Variants in TMEM232 observed in about 807,000 individuals in gnomAD.
TMEM232 encodes the protein transmembrane protein 232.
TMEM232 carries 80 observed loss-of-function variants against 78.8 expected under a neutral mutation model. That is an observed-to-expected ratio of 1.01 (90% confidence interval 0.85 to 1.22). The LOEUF (loss-of-function observed/expected upper bound fraction) is 1.22, where lower values mean the gene tolerates loss of function less well. Ranked by LOEUF, TMEM232 falls within the 50% of genes most tolerant of loss-of-function variation. The pLI is 0.00. For synonymous variants in TMEM232, 297 were observed against 254.3 expected (o/e 1.17, Z -1.60); for missense variants, 881 against 742.2 (o/e 1.19, Z -2.17).
At chr5:110,503,305 T>C (rs1444074197) in intron 12 of TMEM232, among the ~76,000 whole-genome samples, 1 of 152,174 alleles carries the variant, frequency 6.6e-6, no homozygotes, top group Non-Finnish European at 1.5e-5. Context: ...ATGTGTAATA[T>C]AGGTGATATA....
intron 11 of TMEM232, among the ~76,000 whole-genome samples, chr5:110,531,416 C>T (rs535022894): frequency 6.6e-6 from 1 of 152,322 alleles, no homozygotes; most frequent in African/African-American, 2.4e-5. Context: ...TGAGAAAGAT[C>T]CACCTATCAG....
At chr5:110,485,508 C>T (rs1409562010) in intron 12 of TMEM232, among the ~76,000 whole-genome samples, 1 of 152,126 alleles carries the variant, frequency 6.6e-6, no homozygotes, top group African/African-American at 2.4e-5. Flanking sequence ...CATTCTTATG[C>T]TTTTGCATCC....
At chr5:110,710,948 C>T (rs191654997) in intron 1 of TMEM232, among the ~76,000 whole-genome samples, 256 of 152,158 alleles carry the variant, frequency 1.7e-3, no homozygotes, top group African/African-American at 5.9e-3. Context: ...CAAAGGGCAT[C>T]CAAATTGGAA....
At chr5:110,557,944 G>A (rs976827894) in intron 11 of TMEM232, among the ~76,000 whole-genome samples, 1 of 152,144 alleles carries the variant, frequency 6.6e-6, no homozygotes, top group Non-Finnish European at 1.5e-5. Flanking sequence ...AATCTTTGAA[G>A]TTGCTGTGCT....
Position 110,605,293 on chromosome 5 carries a change from A to C in TMEM232, c.1092T>G (p.Ile364Met). 6.4e-7 allele frequency: 1 copy of C among 1,551,406 alleles called. No individual in the cohort carries two copies. Among genetic ancestry groups the C allele is most frequent in the Non-Finnish European group, 8.7e-7 (1 of 1,146,740 alleles). Residue 364 changes from isoleucine to methionine, a missense_variant, in exon 10 of 14, where the codon ATT (isoleucine) becomes ATG (methionine). Physicochemically the swap from Ile to Met is conservative, Grantham distance 10 (BLOSUM62 1). Coordinates refer to ENST00000455884, the MANE Select transcript of TMEM232 (RefSeq NM_001039763.4). ...AWNVVYIYTV[I>M]LAEICLYAAT... ...CTGCATACAAGCAGATTTCTGCAAG[A>C]ATTACTGTATATATGTAGACTACAT... is the stretch of plus-strand genomic sequence containing the variant.
At chr5:110,551,420 T>C (rs1347534371) in intron 11 of TMEM232, among the ~76,000 whole-genome samples, 2 of 151,180 alleles carry the variant, frequency 1.3e-5, no homozygotes, top group African/African-American at 4.9e-5. Context: ...AGATGGGGTT[T>C]CACCATCTTG....
chr5:110,391,727 T>C (rs958518466), intron 3 of TMEM232, among the ~76,000 whole-genome samples: 1 of 152,186 alleles, frequency 6.6e-6, no homozygotes, highest in East Asian at 1.9e-4. Context: ...ATTAGATTGT[T>C]TCATTCAGAG....
chr5:110,428,570 C>T (rs1757494566), intron 12 of TMEM232, among the ~76,000 whole-genome samples: 1 of 151,602 alleles, frequency 6.6e-6, no homozygotes, highest in Non-Finnish European at 1.5e-5. Context: ...GACCTAATCA[C>T]ATGAATCAAC....
At chr5:110,451,690 C>G (rs1323271164) in intron 12 of TMEM232, among the ~76,000 whole-genome samples, 1 of 152,020 alleles carries the variant, frequency 6.6e-6, no homozygotes, top group East Asian at 1.9e-4. Flanking sequence ...ATCAATTAAA[C>G]ATTTACTAAT....
chr5:110,649,339 T>C (rs1787969478), intron 2 of TMEM232, among the ~76,000 whole-genome samples: 1 of 152,110 alleles, frequency 6.6e-6, no homozygotes, highest in Admixed American at 6.6e-5. Flanking sequence ...CTGAAAATGA[T>C]TTTATGTCTT....
rs558695354 is a variant in TMEM232 at position 110,454,077 on chromosome 5, A to G, written c.1704-29161T>C. ...GTAATTATACTTGGGTAGTTCAACA[A>G]TCCTCTCTTGGCAATTAATATAACA... is the stretch of plus-strand genomic sequence containing the variant. On this transcript the variant is annotated intron_variant, in intron 12 of 13. Transcript: ENST00000455884. Among the ~76,000 whole-genome samples the G allele has an allele frequency of 1.6e-3, 247 of 152,322 alleles. 1 individual carries two copies. Among genetic ancestry groups the G allele is most frequent in the African/African-American group, 5.8e-3 (241 of 41,574 alleles).
chr5:110,400,932 T>C (rs904147230), intron 2 of TMEM232, among the ~76,000 whole-genome samples: 4 of 152,126 alleles, frequency 2.6e-5, no homozygotes, highest in Non-Finnish European at 5.9e-5. Context: ...TAGATATGTA[T>C]TTTGTCATTT....
intron 1 of TMEM232, among the ~76,000 whole-genome samples, chr5:110,671,185 A>C (rs1791306000): frequency 6.6e-6 from 1 of 152,184 alleles, no homozygotes; most frequent in African/African-American, 2.4e-5. Flanking sequence ...AATGCAAACC[A>C]AAGCCACAAT....
intron 10 of TMEM232, among the ~76,000 whole-genome samples, chr5:110,598,921 T>G (rs1780533368): frequency 6.8e-6 from 1 of 147,206 alleles, no homozygotes; most frequent in African/African-American, 2.5e-5. Flanking sequence ...AAATGACGAG[T>G]TAATGGGTGC....
rs760096352 is a variant in TMEM232, at chr5:110,605,252, C to T, written c.1133G>A (p.Arg378Gln). ...ACAGAAACCAATTAAAGCAGTTTTT[C>T]GCAAATCAGAAGTGGCTGCATACAA... ...ICLYAATSDL[R>Q]KTALIGFCHC... Residue 378 changes from arginine (R) to glutamine (Q), a missense_variant, in exon 10 of 14, where the codon CGA becomes CAA. By Grantham distance (43) the Arg-to-Gln change is conservative. Coordinates refer to ENST00000455884, the MANE Select transcript of TMEM232 (RefSeq NM_001039763.4). 32 of 1,550,956 alleles carry T rather than the reference C, an allele frequency of 2.1e-5. No homozygotes were observed. The highest frequency in any genetic ancestry group is 1.8e-4 in the African/African-American group (13 of 72,962).
intron 11 of TMEM232, among the ~76,000 whole-genome samples, chr5:110,529,199 A>AT (rs1771058643): frequency 1.3e-5 from 2 of 152,042 alleles, no homozygotes; most frequent in African/African-American, 4.8e-5. Context: ...ATTAAATCAG[A>AT]CTTTTTTTTA....
chr5:110,492,085 A>G (rs1765163857), intron 12 of TMEM232, among the ~76,000 whole-genome samples: 1 of 151,932 alleles, frequency 6.6e-6, no homozygotes, highest in Admixed American at 6.6e-5. Context: ...AAACCTTGAG[A>G]GAATAATACC....
intron 13 of TMEM232, among the ~76,000 whole-genome samples, chr5:110,423,481 A>ACAATT (rs1481115553): frequency 1.3e-5 from 2 of 152,224 alleles, no homozygotes. Context: ...ATATTTAGAG[A>ACAATT]CAATTCAATA....
rs60017669 is a variant in TMEM232, at chr5:110,705,708, G to GTATATA, written c.-13+20913_-13+20918dup. Among the ~76,000 whole-genome samples the GTATATA allele has an allele frequency of 1.3e-3, 144 of 107,958 alleles. 1 individual carries two copies. Among genetic ancestry groups the GTATATA allele is most frequent in the South Asian group, 4.9e-3 (16 of 3,236 alleles). The allele number at this position is 107,958 out of a possible 152,430, so 70.8% of individuals were successfully genotyped here. On this transcript the variant is annotated intron_variant, in intron 1 of 13. Coordinates refer to ENST00000455884, the MANE Select transcript of TMEM232 (RefSeq NM_001039763.4). Reference sequence around the variant, plus strand: ...CCCTGCATATACAGTATATGTGTGTGTATATATATATATATACACACACAC... The same window carrying GTATATA: ...CCCTGCATATACAGTATATGTGTGTGTATATATATATATATATATATACACACACAC...
Sources: allele counts gnomAD v4.1 joint callset (sites outside exome capture counted in the v4.1 genomes callset), GRCh38; gene constraint gnomAD v4.1.1; transcripts MANE v1.5; gene names NCBI Gene and HGNC (gene_info 2026-07-23, HGNC 2026-07-21).